Variants in EFCAB5 observed in about 807,000 individuals in gnomAD.
EFCAB5 encodes the protein EF-hand calcium binding domain 5, also known as EF-hand calcium-binding domain-containing protein 5.
In EFCAB5, 131 loss-of-function variants were observed where a neutral mutation model predicts 167.9. That is an observed-to-expected ratio of 0.78 (90% CI 0.68 to 0.90). The LOEUF (loss-of-function observed/expected upper bound fraction) is 0.90. EFCAB5 is among the 40% of genes least tolerant of loss of function. EFCAB5 has a pLI of 0.00. For missense variants in EFCAB5, 1,663 were observed against 1,745.2 expected (o/e 0.95, Z 0.84); for synonymous variants, 574 against 602.8 (o/e 0.95, Z 0.70).
chr17:30,022,459 CAATG>C (rs2069203730), intron 7 of EFCAB5, among the ~76,000 whole-genome samples: 2 of 151,980 alleles, frequency 1.3e-5, no homozygotes, highest in African/African-American at 4.8e-5. Flanking sequence ...AATTACAAAG[CAATG>C]AACAGACGGC....
At chr17:29,991,676 A>G (rs1244911316) in intron 4 of EFCAB5, among the ~76,000 whole-genome samples, 2 of 152,192 alleles carry the variant, frequency 1.3e-5, no homozygotes, top group African/African-American at 4.8e-5. Context: ...CATCACGAAC[A>G]TGTCACAGTG....
chr17:30,069,970 G>A (rs1157783199), intron 14 of EFCAB5, among the ~76,000 whole-genome samples: 1 of 152,184 alleles, frequency 6.6e-6, no homozygotes, highest in Admixed American at 6.5e-5. Flanking sequence ...TTGGCAGGGG[G>A]GGCTGCTCCA....
intron 14 of EFCAB5, among the ~76,000 whole-genome samples, chr17:30,075,048 T>A (rs1157811445): frequency 1.3e-5 from 2 of 152,170 alleles, no homozygotes; most frequent in Non-Finnish European, 2.9e-5. Context: ...CACTGGTAAT[T>A]CCAAGTCTAA....
chr17:29,984,246 G>C (rs899545967), intron 4 of EFCAB5, among the ~76,000 whole-genome samples: 1 of 151,534 alleles, frequency 6.6e-6, no homozygotes, highest in Non-Finnish European at 1.5e-5. Flanking sequence ...CTAGAGATGA[G>C]GGGGAAAGGA....
intron 12 of EFCAB5, among the ~76,000 whole-genome samples, chr17:30,057,085 G>A (rs1421960039): frequency 6.6e-6 from 1 of 152,088 alleles, no homozygotes; most frequent in Non-Finnish European, 1.5e-5. Flanking sequence ...ATTAGCCAAG[G>A]CTTTTGGAAG....
At chr17:29,949,370 A>G (rs1056722395) in intron 3 of EFCAB5, among the ~76,000 whole-genome samples, 1 of 152,264 alleles carries the variant, frequency 6.6e-6, no homozygotes, top group Non-Finnish European at 1.5e-5. Context: ...GTAGACCACT[A>G]GAGTGGCGAA....
chr17:29,938,568 G>A (rs564271343), upstream of EFCAB5, among the ~76,000 whole-genome samples: 1 of 152,314 alleles, frequency 6.6e-6, no homozygotes, highest in Admixed American at 6.5e-5. Context: ...TTCAAAATTA[G>A]TCAGTCCTGT....
At chr17:29,952,678 TA>T (rs1200123652) in intron 3 of EFCAB5, among the ~76,000 whole-genome samples, 1 of 151,988 alleles carries the variant, frequency 6.6e-6, no homozygotes, top group African/African-American at 2.4e-5. Flanking sequence ...TTTATGAAAT[TA>T]AAAAACAAGA....
At chr17:30,100,897 C>G (rs915628502) in intron 22 of EFCAB5, among the ~76,000 whole-genome samples, 6 of 152,254 alleles carry the variant, frequency 3.9e-5, no homozygotes, top group Middle Eastern at 3.4e-3. Context: ...GTATTCCAGG[C>G]AGAGAAAACA....
At chr17:30,103,019 T>G (rs2071401641) in intron 22 of EFCAB5, among the ~76,000 whole-genome samples, 1 of 151,718 alleles carries the variant, frequency 6.6e-6, no homozygotes, top group Non-Finnish European at 1.5e-5. Context: ...TTGTATTTTT[T>G]GTAGAGACAG....
At chr17:29,970,219 G>A (rs2067919684) in intron 4 of EFCAB5, among the ~76,000 whole-genome samples, 1 of 152,088 alleles carries the variant, frequency 6.6e-6, no homozygotes. Context: ...TTGGGATTGA[G>A]CCTTTATTAA....
intron 3 of EFCAB5, among the ~76,000 whole-genome samples, chr17:29,958,136 C>A (rs1400727958): frequency 6.6e-6 from 1 of 151,982 alleles, no homozygotes; most frequent in Non-Finnish European, 1.5e-5. Flanking sequence ...GAAATATTGG[C>A]CTGTAATTTT....
chr17:30,056,225 C>A, intron 12 of EFCAB5, 69 bp downstream of exon 12: 1 of 1,402,166 alleles, frequency 7.1e-7, no homozygotes, highest in South Asian at 1.3e-5. Flanking sequence ...CTGTGGTACT[C>A]GATGATAAAG....
chr17:30,087,758 G>C (rs2071117009), intron 19 of EFCAB5, among the ~76,000 whole-genome samples: 1 of 152,126 alleles, frequency 6.6e-6, no homozygotes, highest in African/African-American at 2.4e-5. Flanking sequence ...GAACATATGT[G>C]TGCATGTATC....
chr17:29,987,160 C>T (rs573358048), intron 4 of EFCAB5, among the ~76,000 whole-genome samples: 1 of 152,254 alleles, frequency 6.6e-6, no homozygotes, highest in Admixed American at 6.5e-5. Context: ...GACTGATTAT[C>T]CCACTTTCCT....
At chr17:30,081,118 A>C (rs1490950044) in intron 17 of EFCAB5, 137 bp downstream of exon 17, 3 of 695,400 alleles carry the variant, frequency 4.3e-6, no homozygotes, top group Non-Finnish European at 4.7e-6. Context: ...CTGTTCCCTG[A>C]ATGTATGTTT....
intron 6 of EFCAB5, among the ~76,000 whole-genome samples, chr17:29,996,839 T>G (rs2068554496): frequency 6.6e-6 from 1 of 152,174 alleles, no homozygotes; most frequent in East Asian, 1.9e-4. Context: ...ACTATAACCC[T>G]CCTGGGGTCA....
chr17:29,950,320 CCT>C (rs1001928950), intron 3 of EFCAB5, among the ~76,000 whole-genome samples: 3 of 150,574 alleles, frequency 2.0e-5, no homozygotes, highest in Admixed American at 1.3e-4. Flanking sequence ...TCCCTCCTTC[CCT>C]CTCTCTCTCC....
intron 3 of EFCAB5, among the ~76,000 whole-genome samples, chr17:29,960,790 A>G (rs2151558326): frequency 6.6e-6 from 1 of 152,298 alleles, no homozygotes; most frequent in South Asian, 2.1e-4. Flanking sequence ...TATACATAGA[A>G]GTGGGATTTC....
Sources: allele counts gnomAD v4.1 joint callset (sites outside exome capture counted in the v4.1 genomes callset), GRCh38; gene constraint gnomAD v4.1.1; transcripts MANE v1.5; gene names NCBI Gene and HGNC (gene_info 2026-07-23, HGNC 2026-07-21).